Variants in SGCZ observed in about 807,000 individuals in gnomAD.
The protein encoded by SGCZ is zeta-sarcoglycan.
A neutral mutation model predicts 41.3 loss-of-function variants in SGCZ; 40 were observed. The observed-to-expected ratio is 0.97, with a 90% confidence interval of 0.75 to 1.26. SGCZ has a LOEUF of 1.26. Among genes scored for constraint, SGCZ ranks in the 50% most tolerant of loss-of-function variants. SGCZ has a pLI of 0.00. For missense variants in SGCZ, 552 were observed against 369.8 expected, an observed-to-expected ratio of 1.49 and a Z score of -4.04; for synonymous variants, 206 against 137.5, an observed-to-expected ratio of 1.50 and a Z score of -3.49.
chr8:14,094,387 T>G (rs1455329135), intron 7 of SGCZ, among the ~76,000 whole-genome samples: 1 of 151,960 alleles, frequency 6.6e-6, no homozygotes, highest in African/African-American at 2.4e-5. Flanking sequence ...ACATGTGGTG[T>G]TTGGTTTTCT....
chr8:14,537,726 A>G (rs1167402382), intron 2 of SGCZ, among the ~76,000 whole-genome samples: 1 of 151,902 alleles, frequency 6.6e-6, no homozygotes, highest in Non-Finnish European at 1.5e-5. Context: ...TGTGTCATTG[A>G]ATGTTCCCCC....
chr8:15,213,002 T>C (rs1254932177), intron 1 of SGCZ, among the ~76,000 whole-genome samples: 5 of 152,046 alleles, frequency 3.3e-5, no homozygotes, highest in Middle Eastern at 3.4e-3. Context: ...AAAATTCTAA[T>C]GAATGAAAAG....
chr8:14,449,226 C>T (rs117996912), intron 2 of SGCZ, among the ~76,000 whole-genome samples: 53 of 152,290 alleles, frequency 3.5e-4, no homozygotes, highest in Non-Finnish European at 5.9e-4. Context: ...TCATGTTATG[C>T]TATAGTAATG....
intron 7 of SGCZ, 53 bp from the exon 8 acceptor site, chr8:14,090,690 G>A (rs1801664212): frequency 6.8e-7 from 1 of 1,475,680 alleles, no homozygotes; most frequent in African/African-American, 1.4e-5. Context: ...GTAGCATCGA[G>A]TAATCTACAT....
intron 1 of SGCZ, among the ~76,000 whole-genome samples, chr8:14,609,557 C>T (rs1313982816): frequency 6.6e-6 from 1 of 152,130 alleles, no homozygotes; most frequent in Non-Finnish European, 1.5e-5. Flanking sequence ...AATTTATCAA[C>T]ACTATATGAG....
chr8:14,585,460 T>G (rs542180706), intron 1 of SGCZ, among the ~76,000 whole-genome samples: 1 of 152,096 alleles, frequency 6.6e-6, no homozygotes, highest in Non-Finnish European at 1.5e-5. Context: ...ACACAACTAT[T>G]TCAATACATT....
chr8:14,850,449 G>A (rs1003588644), intron 1 of SGCZ, among the ~76,000 whole-genome samples: 3 of 152,124 alleles, frequency 2.0e-5, no homozygotes, highest in African/African-American at 4.8e-5. Flanking sequence ...TTTGATTGGC[G>A]AGATGGTGGA....
At chr8:14,845,980 C>T (rs1803087373) in intron 1 of SGCZ, among the ~76,000 whole-genome samples, 1 of 152,116 alleles carries the variant, frequency 6.6e-6, no homozygotes, top group South Asian at 2.1e-4. Flanking sequence ...GGTCAGTTCA[C>T]ATGGAATCAT....
chr8:14,579,794 A>T (rs1804827779), intron 1 of SGCZ, among the ~76,000 whole-genome samples: 1 of 152,212 alleles, frequency 6.6e-6, no homozygotes, highest in Non-Finnish European at 1.5e-5. Context: ...GTTCATAGGC[A>T]TCATAATTTT....
chr8:14,372,504 T>G (rs2117165406), intron 2 of SGCZ, among the ~76,000 whole-genome samples: 1 of 152,140 alleles, frequency 6.6e-6, no homozygotes, highest in South Asian at 2.1e-4. Flanking sequence ...TCAAGTAAAT[T>G]ATATAGTATA....
chr8:15,215,932 C>T (rs1801384223), intron 1 of SGCZ, among the ~76,000 whole-genome samples: 1 of 152,088 alleles, frequency 6.6e-6, no homozygotes, highest in Non-Finnish European at 1.5e-5. Context: ...TGCATTTTTC[C>T]TGCATTCTGT....
chr8:14,563,399 G>C (rs911592957), intron 1 of SGCZ, among the ~76,000 whole-genome samples: 5 of 152,276 alleles, frequency 3.3e-5, no homozygotes, highest in Middle Eastern at 6.8e-3. Context: ...CCTGTTAATA[G>C]GTGTGAGTGG....
In SGCZ at chr8:14,565,688, C is replaced by A. The variant is rs369865259; in HGVS notation, c.40-10762G>T. Among the ~76,000 whole-genome samples the A allele has an allele frequency of 5.9e-5, 9 of 151,984 alleles. No homozygotes were observed. The East Asian group carries it at 1.7e-3, about 30-fold the overall frequency. On this transcript the variant is annotated intron_variant, in intron 1 of 7. Coordinates refer to ENST00000382080, the MANE Select transcript of SGCZ (RefSeq NM_139167.4). ...CACTACTTCAAACAGTAAGGATTAA[C>A]AAGAAAACATATTTGAAAAACAATG...
intron 2 of SGCZ, among the ~76,000 whole-genome samples, chr8:14,355,177 T>C (rs1803249354): frequency 6.6e-6 from 1 of 152,060 alleles, no homozygotes; most frequent in Admixed American, 6.6e-5. Flanking sequence ...TTTGTGTACT[T>C]TGTTTATAGG....
intron 1 of SGCZ, among the ~76,000 whole-genome samples, chr8:14,812,209 A>AT (rs937817704): frequency 1.3e-5 from 2 of 152,120 alleles, no homozygotes; most frequent in African/African-American, 4.8e-5. Context: ...TTTTAAAGCA[A>AT]TTTTTTGGGA....
chr8:14,224,061 C>T (rs1183458300), intron 4 of SGCZ, among the ~76,000 whole-genome samples: 4 of 152,166 alleles, frequency 2.6e-5, no homozygotes, highest in Admixed American at 2.6e-4. Context: ...TTCTAATTTA[C>T]ATAATAAAGC....
intron 1 of SGCZ, among the ~76,000 whole-genome samples, chr8:14,775,479 G>C (rs868734848): frequency 2.6e-5 from 4 of 151,974 alleles, no homozygotes; most frequent in African/African-American, 7.2e-5. Flanking sequence ...GTGTGTGTGT[G>C]TGTGTGTGTG....
chr8:14,921,683 T>C lies in SGCZ; in HGVS notation c.39+315902A>G, dbSNP rs531337207. On this transcript the variant is annotated intron_variant, in intron 1 of 7. Transcript: ENST00000382080. ...GGAATTGCACAAGTCCCTGACATCA[T>C]TTTACAGATGTAAAGTTAGTAACAG... 2.4e-4 allele frequency among the ~76,000 whole-genome samples: 37 copies of C among 152,284 alleles called. No individual in the cohort carries two copies. The South Asian group carries it at 6.4e-3, about 26-fold the overall frequency.
At chr8:14,547,939 T>A (rs1356796116) in intron 2 of SGCZ, among the ~76,000 whole-genome samples, 2 of 152,224 alleles carry the variant, frequency 1.3e-5, no homozygotes, top group African/African-American at 2.4e-5. Flanking sequence ...TGTCTAGGAT[T>A]GTTTTATGCT....
Sources: gnomAD v4.1 joint callset for allele counts (sites outside exome capture counted in the v4.1 genomes callset) on GRCh38, gnomAD v4.1.1 for gene constraint, MANE v1.5 for transcripts, NCBI Gene and HGNC (gene_info 2026-07-23, HGNC 2026-07-21) for gene names.